The following MARCHF6 variants were observed in gnomAD, a reference collection of about 807,000 sequenced individuals.
The protein encoded by MARCHF6 is E3 ubiquitin-protein ligase MARCHF6.
A neutral mutation model predicts 133.7 loss-of-function variants in MARCHF6; 31 were observed. The ratio of observed to expected loss-of-function variants is 0.23; its 90% confidence interval spans 0.17 to 0.31. The LOEUF (loss-of-function observed/expected upper bound fraction) is 0.31, where lower values mean the gene tolerates loss of function less well. Ranked by LOEUF, MARCHF6 falls within the 10% of genes least tolerant of loss-of-function variation. MARCHF6 has a pLI of 1.00. For synonymous variants in MARCHF6, 395 were observed against 402.5 expected, an observed-to-expected ratio of 0.98 and a Z score of 0.22; for missense variants, 723 against 1,121.6, an observed-to-expected ratio of 0.64 and a Z score of 5.08.
Position 10,405,607 on chromosome 5 carries a change from A to G in MARCHF6, c.1382A>G (p.Asp461Gly), listed in dbSNP as rs1363736718. The G allele has an allele frequency of 6.2e-7, 1 of 1,610,472 alleles. No individual in the cohort carries two copies. ...LWFLRNLNDP[D>G]FNPVQEMIHL... The stretch of plus-strand genomic sequence containing the variant: ...TTTCTAAGGAATTTGAATGATCCAG[A>G]TTTCAATCCAGTACAGGAAATGATC... Residue 461 changes from aspartate (D) to glycine (G), a missense_variant, in exon 16 of 26, where the codon GAT becomes GGT. Around this residue, in one of 4 missense-constraint regions of MARCHF6, gnomAD observed 492 missense variants for 699.5 expected, o/e 0.70. Transcript: ENST00000274140.
intron 15 of MARCHF6, among the ~76,000 whole-genome samples, chr5:10,404,991 A>G (rs1004872986): frequency 1.3e-5 from 2 of 152,210 alleles, no homozygotes; most frequent in Non-Finnish European, 2.9e-5. Flanking sequence ...AAATTTTAAT[A>G]TGTGGAACTT....
At chr5:10,369,528 C>T (rs775173077) in intron 1 of MARCHF6, among the ~76,000 whole-genome samples, 1 of 151,442 alleles carries the variant, frequency 6.6e-6, no homozygotes, top group Non-Finnish European at 1.5e-5. Flanking sequence ...GTAAAATTTA[C>T]CTTATTTAAT....
rs1739824009 is a variant in MARCHF6 at position 10,421,560 on chromosome 5, T to C, written c.2284-2175T>C. ...GCAGCTCCGTGGGATAGTGGGCCAG[T>C]TGGAATTCTAGCAGAGCAGCTAGTG... is the stretch of plus-strand genomic sequence containing the variant. On this transcript the variant is annotated intron_variant, in intron 22 of 25. Transcript: ENST00000274140. Among the ~76,000 whole-genome samples the C allele has an allele frequency of 2.0e-5, 3 of 152,198 alleles. No individual in the cohort carries two copies. The South Asian group carries it at 6.2e-4, about 31-fold the overall frequency.
At chr5:10,412,716 T>C (rs1266423475) in intron 19 of MARCHF6, among the ~76,000 whole-genome samples, 1 of 152,046 alleles carries the variant, frequency 6.6e-6, no homozygotes, top group Non-Finnish European at 1.5e-5. Flanking sequence ...GCTGGGACCA[T>C]GGGTGCATGC....
At chr5:10,360,274 C>T (rs889569486) in intron 1 of MARCHF6, among the ~76,000 whole-genome samples, 7 of 150,968 alleles carry the variant, frequency 4.6e-5, no homozygotes, top group African/African-American at 1.5e-4. Flanking sequence ...CTCAGCCTCC[C>T]GAGTAGCTGG....
At chr5:10,374,284 A>G (rs1211917538) in intron 1 of MARCHF6, among the ~76,000 whole-genome samples, 1 of 152,184 alleles carries the variant, frequency 6.6e-6, no homozygotes, top group Non-Finnish European at 1.5e-5. Flanking sequence ...AGCCACGGTA[A>G]TCCCACTTTC....
At chr5:10,357,186 A>C (rs1735523060) in intron 1 of MARCHF6, among the ~76,000 whole-genome samples, 1 of 150,916 alleles carries the variant, frequency 6.6e-6, no homozygotes, top group Non-Finnish European at 1.5e-5. Context: ...GTTTCAGAGA[A>C]AAGTCTATCC....
chr5:10,409,555 C>T (rs180987013), intron 17 of MARCHF6, among the ~76,000 whole-genome samples: 15 of 152,330 alleles, frequency 9.8e-5, no homozygotes, highest in Non-Finnish European at 1.9e-4. Flanking sequence ...GAGAGTCTTA[C>T]ACGACATAAG....
At chr5:10,397,580 T>G (rs1000819980) in intron 10 of MARCHF6, among the ~76,000 whole-genome samples, 3 of 148,230 alleles carry the variant, frequency 2.0e-5, no homozygotes, top group Non-Finnish European at 4.5e-5. Context: ...CATTTCTGGG[T>G]TTTTTTTTTG....
rs1021230985 is a variant in MARCHF6, at chr5:10,438,091, G to A, written c.*4407G>A. 1.3e-5 allele frequency: 2 copies of A among 152,230 alleles called. No homozygotes were observed. The highest frequency in any genetic ancestry group is 4.8e-5 in the African/African-American group (2 of 41,386). The allele number at this position is 152,230 out of a possible 1,614,324, so 9.4% of individuals were successfully genotyped here. On this transcript the variant is annotated 3_prime_UTR_variant, in exon 26 of 26. Coordinates refer to ENST00000274140, the MANE Select transcript of MARCHF6 (RefSeq NM_005885.4). Reference sequence around the variant, plus strand: ...AGACCGTCCTCACTGGGAAGAGTAAGGCCCCACATTTTGTGCAATAGCAAG... The same window carrying A: ...AGACCGTCCTCACTGGGAAGAGTAAAGCCCCACATTTTGTGCAATAGCAAG...
chr5:10,359,016 G>T (rs953160180), intron 1 of MARCHF6, among the ~76,000 whole-genome samples: 2 of 152,180 alleles, frequency 1.3e-5, no homozygotes, highest in African/African-American at 4.8e-5. Context: ...GCCACCTTCC[G>T]TTGCTGTTGT....
Position 10,397,468 on chromosome 5 carries a change from AT to A in MARCHF6, c.913+125del, listed in dbSNP as rs1738263541. 4 of 663,608 alleles carry A rather than the reference AT, an allele frequency of 6.0e-6. No individual in the cohort carries two copies. The East Asian group carries it at 1.2e-4, about 20-fold the overall frequency. The allele number at this position is 663,608 out of a possible 1,614,324, so 41.1% of individuals were successfully genotyped here. A position where few individuals can be genotyped will look rare whatever the true frequency, so the allele number is the denominator to read the frequency against. ...AATAAATACTAAGCAGTATATGAAAATAGTTTCAGATACAAACCCTGTATAG... is the reference window on the plus strand; with the variant it reads ...AATAAATACTAAGCAGTATATGAAAAAGTTTCAGATACAAACCCTGTATAG... On this transcript the variant is annotated intron_variant, in intron 10 of 25. Transcript: ENST00000274140.
At chr5:10,374,138 C>T (rs557103116) in intron 1 of MARCHF6, among the ~76,000 whole-genome samples, 13 of 152,156 alleles carry the variant, frequency 8.5e-5, no homozygotes, top group African/African-American at 2.4e-4. Context: ...ATGCAGCAGG[C>T]GCACAAATTA....
At chr5:10,361,833 G>A (rs951121609) in intron 1 of MARCHF6, among the ~76,000 whole-genome samples, 1 of 151,946 alleles carries the variant, frequency 6.6e-6, no homozygotes, top group African/African-American at 2.4e-5. Context: ...GCGCGATCTC[G>A]GCTCATGGCA....
chr5:10,394,237 T>TA (rs1738043370), intron 8 of MARCHF6, 94 bp downstream of exon 8: 1 of 657,904 alleles, frequency 1.5e-6, no homozygotes, highest in Admixed American at 3.4e-5. Context: ...ATGTTATCGT[T>TA]ACAGTTGATG....
intron 5 of MARCHF6, among the ~76,000 whole-genome samples, chr5:10,387,607 T>C (rs1737567259): frequency 6.6e-6 from 1 of 151,758 alleles, no homozygotes; most frequent in African/African-American, 2.4e-5. Context: ...CCGTCCGGGA[T>C]GACTTTTTAA....
chr5:10,414,861 A>G (rs1233764203), intron 20 of MARCHF6, among the ~76,000 whole-genome samples: 1 of 152,230 alleles, frequency 6.6e-6, no homozygotes, highest in Admixed American at 6.5e-5. Flanking sequence ...GTTTATTCCG[A>G]ACAACTTTTT....
intron 22 of MARCHF6, among the ~76,000 whole-genome samples, chr5:10,419,209 G>C (rs893559439): frequency 1.8e-4 from 28 of 152,196 alleles, no homozygotes; most frequent in African/African-American, 6.8e-4. Context: ...ACTGTACTTT[G>C]AGTACTTCTA....
chr5:10,373,323 T>A (rs913015323), intron 1 of MARCHF6, among the ~76,000 whole-genome samples: 1 of 152,096 alleles, frequency 6.6e-6, no homozygotes, highest in Non-Finnish European at 1.5e-5. Context: ...TAAGTGGAGA[T>A]CCATGTCTCT....
Sources: gnomAD v4.1 joint callset for allele counts (sites outside exome capture counted in the v4.1 genomes callset) on GRCh38, gnomAD v4.1.1 for gene constraint, gnomAD v4.1.1 regional missense constraint, MANE v1.5 for transcripts, NCBI Gene and HGNC (gene_info 2026-07-23, HGNC 2026-07-21) for gene names.